Variants in TEX11 observed in about 807,000 individuals in gnomAD.
TEX11 encodes testis expressed 11, also known as testis-expressed protein 11.
In TEX11, 7 loss-of-function variants were observed where a neutral mutation model predicts 84.4. The ratio of observed to expected loss-of-function variants is 0.08; its 90% CI spans 0.05 to 0.16. The LOEUF (loss-of-function observed/expected upper bound fraction) is 0.16. TEX11 is among the 10% of genes least tolerant of loss of function. The probability of loss-of-function intolerance (pLI) is 1.00; values close to 1 mark genes in which losing one functional copy is unlikely to be tolerated. For missense variants in TEX11, 551 were observed against 660.5 expected (o/e 0.83, Z 1.82); for synonymous variants, 264 against 222.8 (o/e 1.18, Z -1.64).
intron 8 of TEX11, among the ~76,000 whole-genome samples, chrX:70,816,771 A>G (rs2091288542): frequency 9.0e-6 from 1 of 110,670 alleles, no homozygotes; most frequent in South Asian, 3.9e-4. Flanking sequence ...GTAGATTCAG[A>G]GCCCAAATAG....
intron 25 of TEX11, among the ~76,000 whole-genome samples, chrX:70,564,194 G>A (rs773136579): frequency 1.3e-4 from 14 of 111,633 alleles, no homozygotes; most frequent in Admixed American, 1.2e-3. Context: ...GTGCCACTGC[G>A]CTCCAGCCTG....
At chrX:70,568,840 T>A (rs2147966446) in intron 25 of TEX11, among the ~76,000 whole-genome samples, 1 of 111,000 alleles carries the variant, frequency 9.0e-6, no homozygotes, top group East Asian at 2.8e-4. Flanking sequence ...CCCTTAACAT[T>A]TTTTCCTTCA....
rs1450236107 is a variant in TEX11, at chrX:70,833,681, TA to T, written c.526-89del. The T allele has an allele frequency of 8.5e-6, 6 of 708,427 alleles. No homozygotes were observed. The East Asian group carries it at 1.0e-4, about 12-fold the overall frequency. 58.4% of individuals were successfully genotyped at this position (708,427 alleles called of 1,213,427 possible). Reference sequence around the variant, plus strand: ...ATTTTAGCATATTTTAACTAGTGTTTAAAAGTCTTATTTTGTTTTCTAATAT... The same window carrying T: ...ATTTTAGCATATTTTAACTAGTGTTTAAAGTCTTATTTTGTTTTCTAATAT... On this transcript the variant is annotated intron_variant, in intron 7 of 29. Coordinates refer to ENST00000374333, the MANE Select transcript of TEX11 (RefSeq NM_031276.3).
chrX:70,624,757 A>G, intron 19 of TEX11, 82 bp downstream of exon 19: 1 of 754,193 alleles, frequency 1.3e-6, no homozygotes, highest in Non-Finnish European at 1.9e-6. Context: ...TGATCTCAAT[A>G]GCACTATTTT....
At position 70,907,784 on chromosome X, in the gene TEX11, G is replaced by T. The variant is rs752650790; in HGVS notation, c.6C>A (p.Asp2Glu). Residue 2 changes from aspartate (D) to glutamate (E), a missense_variant, in exon 2 of 30, where the codon GAC becomes GAA. Physicochemically the swap from Asp to Glu is conservative, Grantham distance 45 (BLOSUM62 2). Transcript: ENST00000374333. M[D>E]NDDFFSMDFK... is the part of the protein sequence containing the mutation. ...AGTCCATGGAAAAAAAATCATCATT[G>T]TCCATTTTTAAATCTCTGGCTCAAG... is the stretch of plus-strand genomic sequence containing the variant. 1.7e-6 allele frequency: 2 copies of T among 1,182,401 alleles called. No individual in the cohort carries two copies.
Position 70,808,398 on chromosome X carries a change from G to A in TEX11, c.607-1608C>T, listed in dbSNP as rs191860115. On this transcript the variant is annotated intron_variant, in intron 8 of 29. Coordinates refer to ENST00000374333, the MANE Select transcript of TEX11 (RefSeq NM_031276.3). Reference sequence around the variant, plus strand: ...GGCACCTGTAATCCCAGCTACTTGGGTGGCTGAGGCAGGAGAATCGCTTGA... The same window carrying A: ...GGCACCTGTAATCCCAGCTACTTGGATGGCTGAGGCAGGAGAATCGCTTGA... 7.7e-3 allele frequency among the ~76,000 whole-genome samples: 836 copies of A among 108,087 alleles called. 7 individuals carry two copies. The highest frequency in any genetic ancestry group is 0.027 in the African/African-American group (801 of 29,810). 93.9% of individuals were successfully genotyped at this position (108,087 alleles called of 115,157 possible). A position where few individuals can be genotyped will look rare whatever the true frequency, so the allele number is the denominator to read the frequency against.
chrX:70,598,729 T>C (rs1424144300), intron 24 of TEX11, among the ~76,000 whole-genome samples: 1 of 111,968 alleles, frequency 8.9e-6, no homozygotes, highest in Non-Finnish European at 1.9e-5. Flanking sequence ...ACAAAGAACC[T>C]TGAAAATGTT....
chrX:70,826,614 A>G (rs2091348095), intron 8 of TEX11, among the ~76,000 whole-genome samples: 1 of 112,116 alleles, frequency 8.9e-6, no homozygotes, highest in African/African-American at 3.2e-5. Context: ...GGAAGAGCAC[A>G]GCAGCTGGGG....
intron 14 of TEX11, among the ~76,000 whole-genome samples, chrX:70,679,956 T>C (rs1490659384): frequency 1.6e-5 from 1 of 61,423 alleles, no homozygotes; most frequent in Non-Finnish European, 3.3e-5. Context: ...GGGAGGGAGG[T>C]GGGGGGGGTC....
intron 16 of TEX11, among the ~76,000 whole-genome samples, chrX:70,660,769 C>G (rs1282457771): frequency 8.9e-6 from 1 of 112,510 alleles, no homozygotes; most frequent in Non-Finnish European, 1.9e-5. Context: ...GGCGAGGTGG[C>G]TCACGCCTGT....
At chrX:70,767,153 G>C (rs1301121975) in intron 9 of TEX11, among the ~76,000 whole-genome samples, 1 of 111,269 alleles carries the variant, frequency 9.0e-6, no homozygotes, top group Non-Finnish European at 1.9e-5. Flanking sequence ...CACAGCAAAG[G>C]AAGCAATAAA....
chrX:70,553,155 A>G, intron 27 of TEX11, 151 bp downstream of exon 27: 1 of 334,091 alleles, frequency 3.0e-6, no homozygotes, highest in East Asian at 4.6e-5. Context: ...GGTCTGTAAT[A>G]CAACTCTCAG....
At chrX:70,568,432 A>T (rs2088529430) in intron 25 of TEX11, among the ~76,000 whole-genome samples, 1 of 109,077 alleles carries the variant, frequency 9.2e-6, no homozygotes, top group Admixed American at 9.8e-5. Flanking sequence ...TTATGTGTGA[A>T]TTTGATCCTG....
chrX:70,840,093 G>T (rs776129715), intron 7 of TEX11, among the ~76,000 whole-genome samples: 3 of 111,596 alleles, frequency 2.7e-5, no homozygotes, highest in Non-Finnish European at 5.6e-5. Context: ...AATCTACCAA[G>T]GCAGGCCAAC....
chrX:70,749,993 A>G lies in TEX11; in HGVS notation c.693-5774T>C, dbSNP rs748346729. Among the ~76,000 whole-genome samples the G allele has an allele frequency of 9.0e-5, 10 of 110,873 alleles. No homozygotes were observed. The East Asian group carries it at 2.5e-3, about 28-fold the overall frequency. On this transcript the variant is annotated intron_variant, in intron 9 of 29. Transcript: ENST00000374333. ...CATCAGAGTGAACAGGCAACCTACA[A>G]AATGGGAGAAAATTTTCGCAACCTA...
downstream of TEX11, among the ~76,000 whole-genome samples, chrX:70,525,660 T>A (rs2087815613): frequency 9.0e-6 from 1 of 111,427 alleles, no homozygotes; most frequent in Non-Finnish European, 1.9e-5. Context: ...ACACAACATC[T>A]TCTCTCATGG....
chrX:70,899,007 C>T (rs2091788647), intron 2 of TEX11, among the ~76,000 whole-genome samples: 1 of 112,082 alleles, frequency 8.9e-6, no homozygotes, highest in Admixed American at 9.5e-5. Context: ...AATAAGTATG[C>T]TCATGATTCT....
intron 29 of TEX11, 111 bp downstream of exon 29, chrX:70,529,724 G>A: frequency 5.0e-6 from 4 of 795,412 alleles, no homozygotes; most frequent in Non-Finnish European, 7.0e-6. Context: ...GGAACAATGA[G>A]CAAGATCCTT....
intron 28 of TEX11, 125 bp from the exon 29 acceptor site, chrX:70,530,124 G>A: frequency 1.6e-6 from 1 of 619,824 alleles, no homozygotes; most frequent in Non-Finnish European, 2.5e-6. Flanking sequence ...GTTTAGGAAG[G>A]TCTGTGCTCC....
Sources: allele counts gnomAD v4.1 joint callset (sites outside exome capture counted in the v4.1 genomes callset), GRCh38; gene constraint gnomAD v4.1.1; transcripts MANE v1.5; gene names NCBI Gene and HGNC (gene_info 2026-07-23, HGNC 2026-07-21).